The following NUS1 variants were observed in gnomAD, a reference collection of about 807,000 sequenced individuals.
NUS1 encodes dehydrodolichyl diphosphate synthase complex subunit NUS1.
For missense variants in NUS1, 292 were observed against 382.9 expected (o/e 0.76, Z 1.98); for synonymous variants, 135 against 155.2 (o/e 0.87, Z 0.97).
intron 1 of NUS1, among the ~76,000 whole-genome samples, chr6:117,676,694 T>C (rs1172456994): frequency 6.6e-6 from 1 of 152,272 alleles, no homozygotes; most frequent in Non-Finnish European, 1.5e-5. Flanking sequence ...TTAACTGATT[T>C]GCCCAAGGCC....
At position 117,694,127 on chromosome 6, in the gene NUS1, A is replaced by G. The variant is rs771454891; in HGVS notation, c.638A>G (p.Gln213Arg). 42 of 1,611,780 alleles carry G rather than the reference A, an allele frequency of 2.6e-5. No individual in the cohort carries two copies. Among genetic ancestry groups the G allele is most frequent in the Non-Finnish European group, 3.5e-5 (41 of 1,178,744 alleles). The change falls in exon 3 of 5, where the codon CAG becomes CGG. Residue 213 changes from glutamine to arginine, a missense_variant. Transcript: ENST00000368494. ...CAGGACTTTTGCCAGTTAGTAGCCCAGAAGCAAAAGAGACCCACAGATTTG... is the reference window on the plus strand; with the variant it reads ...CAGGACTTTTGCCAGTTAGTAGCCCGGAAGCAAAAGAGACCCACAGATTTG... ...AAQDFCQLVA[Q>R]KQKRPTDLDV...
At chr6:117,677,367 G>C (rs775076553) in intron 1 of NUS1, among the ~76,000 whole-genome samples, 1 of 152,188 alleles carries the variant, frequency 6.6e-6, no homozygotes, top group Non-Finnish European at 1.5e-5. Flanking sequence ...TTGAAGAATA[G>C]GTAGGAGATA....
In NUS1 at chr6:117,708,890, TTAAAG is replaced by T. The variant is rs1160046921; in HGVS notation, c.*1877_*1881del. 2 of 152,084 alleles carry T rather than the reference TTAAAG, an allele frequency of 1.3e-5. No homozygotes were observed. Among genetic ancestry groups the T allele is most frequent in the Admixed American group, 6.6e-5 (1 of 15,260 alleles). The allele number at this position is 152,084 out of a possible 1,614,324, so 9.4% of individuals were successfully genotyped here. On this transcript the variant is annotated 3_prime_UTR_variant, in exon 5 of 5. Transcript: ENST00000368494. The stretch of plus-strand genomic sequence containing the variant: ...TTAAAATGAAGGGATTTAATCGTTG[TTAAAG>T]TTAAGTTAGTCAAATAAATTACCTA...
At chr6:117,702,067 C>T (rs1773419312) in intron 3 of NUS1, among the ~76,000 whole-genome samples, 1 of 152,174 alleles carries the variant, frequency 6.6e-6, no homozygotes. Context: ...CCTGCTTCCC[C>T]TCCTAGTATG....
At chr6:117,691,558 G>GATATATATATAGATAT (rs1554201817) in intron 1 of NUS1, among the ~76,000 whole-genome samples, 3 of 136,980 alleles carry the variant, frequency 2.2e-5, no homozygotes, top group Non-Finnish European at 4.7e-5. Flanking sequence ...CATAGATATA[G>GATATATATATAGATAT]ATATATATAT....
chr6:117,688,228 A>ATG (rs1773167183), intron 1 of NUS1, among the ~76,000 whole-genome samples: 1 of 152,170 alleles, frequency 6.6e-6, no homozygotes, highest in Admixed American at 6.5e-5. Context: ...TCTTAAAAAT[A>ATG]TGTGTGTGTA....
At position 117,697,159 on chromosome 6, in the gene NUS1, G is replaced by C. The variant is rs9374676; in HGVS notation, c.691+2979G>C. On this transcript the variant is annotated intron_variant, in intron 3 of 4. Coordinates refer to ENST00000368494, the MANE Select transcript of NUS1 (RefSeq NM_138459.5). ...TAACCTCCAATCAAAAAACATACAA[G>C]AGATACACAAAAAAATAAAAAGCAA... Among the ~76,000 whole-genome samples the C allele has an allele frequency of 1.1e-4, 17 of 151,850 alleles. No individual in the cohort carries two copies. The East Asian group carries it at 3.3e-3, about 29-fold the overall frequency.
intron 1 of NUS1, among the ~76,000 whole-genome samples, chr6:117,681,281 C>A (rs1274645370): frequency 6.6e-6 from 1 of 152,162 alleles, no homozygotes. Context: ...TGTGCATAAA[C>A]TTTCTTACTA....
chr6:117,682,479 T>C (rs1391006815), intron 1 of NUS1, among the ~76,000 whole-genome samples: 1 of 152,152 alleles, frequency 6.6e-6, no homozygotes, highest in Non-Finnish European at 1.5e-5. Context: ...TGTGTGCCTG[T>C]AGTCCCAACT....
At chr6:117,687,304 T>C (rs1040557687) in intron 1 of NUS1, among the ~76,000 whole-genome samples, 2 of 152,212 alleles carry the variant, frequency 1.3e-5, no homozygotes, top group African/African-American at 4.8e-5. Context: ...CTTTGTACAT[T>C]GGTAATTCAG....
chr6:117,690,979 C>CAAAA (rs71736900), intron 1 of NUS1, among the ~76,000 whole-genome samples: 99 of 72,870 alleles, frequency 1.4e-3, no homozygotes, highest in South Asian at 3.1e-3. Flanking sequence ...GAGTCTGTCT[C>CAAAA]AAAAAAAAAA....
In NUS1 at chr6:117,707,021, A is replaced by G. The variant is rs755326088; in HGVS notation, c.*6A>G. On this transcript the variant is annotated 3_prime_UTR_variant, in exon 5 of 5. Coordinates refer to ENST00000368494, the MANE Select transcript of NUS1 (RefSeq NM_138459.5). ...AACAGCGTCTGGGAAAGTAGTGGTCATTGGTTGCATAATTTGATTTGAGGC... is the reference window on the plus strand; with the variant it reads ...AACAGCGTCTGGGAAAGTAGTGGTCGTTGGTTGCATAATTTGATTTGAGGC... 6 of 1,611,182 alleles carry G rather than the reference A, an allele frequency of 3.7e-6. No individual in the cohort carries two copies. In the South Asian group the frequency reaches 4.4e-5, roughly 12 times the overall value.
intron 1 of NUS1, among the ~76,000 whole-genome samples, chr6:117,682,496 G>A (rs970825888): frequency 6.6e-6 from 1 of 152,160 alleles, no homozygotes; most frequent in African/African-American, 2.4e-5. Context: ...AACTACTCAG[G>A]AGGCTGAGGT....
chr6:117,695,290 A>T (rs938946703), intron 3 of NUS1, among the ~76,000 whole-genome samples: 1 of 151,394 alleles, frequency 6.6e-6, no homozygotes, highest in Admixed American at 6.6e-5. Context: ...TTCCACTTTG[A>T]CATGTGTCCG....
chr6:117,693,931 G>C (rs1773279167), intron 2 of NUS1, 100 bp from the exon 3 acceptor site: 1 of 1,297,348 alleles, frequency 7.7e-7, no homozygotes, highest in Admixed American at 2.6e-5. Context: ...TGTAAGAACT[G>C]TATGTTTATT....
rs1772970025 is a variant in NUS1, at chr6:117,675,902, C to G, written c.232C>G (p.Leu78Val). Residue 78 changes from leucine (L) to valine (V), a missense_variant, in exon 1 of 5, where the codon CTG (leucine) becomes GTG (valine). Leu to Val is a conservative substitution (Grantham distance 32, BLOSUM62 1). Transcript: ENST00000368494. ...CCGGCACCCGCGCGGGGGGTCGTGCCTGGCAGCCGCACACCACCGGATGCG... is the reference window on the plus strand; with the variant it reads ...CCGGCACCCGCGCGGGGGGTCGTGCGTGGCAGCCGCACACCACCGGATGCG... ...HHRHPRGGSC[L>V]AAAHHRMRWR... The G allele has an allele frequency of 6.5e-7, 1 of 1,539,770 alleles. No individual in the cohort carries two copies. Among genetic ancestry groups the G allele is most frequent in the South Asian group, 1.2e-5 (1 of 83,158 alleles).
At chr6:117,699,078 C>A (rs1340483683) in intron 3 of NUS1, among the ~76,000 whole-genome samples, 2 of 152,152 alleles carry the variant, frequency 1.3e-5, no homozygotes, top group Non-Finnish European at 2.9e-5. Context: ...GAAAGCCTTT[C>A]CTCCAATAAC....
At chr6:117,686,846 GTGTGTA>G (rs1168192037) in intron 1 of NUS1, among the ~76,000 whole-genome samples, 1,032 of 92,762 alleles carry the variant, frequency 0.011, 11 homozygotes, top group African/African-American at 0.042. Flanking sequence ...ATCATGTGAA[GTGTGTA>G]TGTGTGTGTG....
rs748331233 is a variant in NUS1, at chr6:117,694,108, T to C, written c.619T>C (p.Phe207Leu). The C allele has an allele frequency of 6.2e-7, 1 of 1,612,712 alleles. No homozygotes were observed. Among genetic ancestry groups the C allele is most frequent in the Non-Finnish European group, 8.5e-7 (1 of 1,179,210 alleles). The change falls in exon 3 of 5, where the codon TTT becomes CTT. Residue 207 changes from phenylalanine (F) to leucine (L), a missense_variant. Transcript: ENST00000368494. ...KADIVRAAQDFCQLVAQKQKR... is the reference protein window; with the variant it reads ...KADIVRAAQDLCQLVAQKQKR... ...AGATATTGTAAGAGCTGCTCAGGAC[T>C]TTTGCCAGTTAGTAGCCCAGAAGCA...
Sources: allele counts gnomAD v4.1 joint callset (sites outside exome capture counted in the v4.1 genomes callset), GRCh38; gene constraint gnomAD v4.1.1; transcripts MANE v1.5; gene names NCBI Gene and HGNC (gene_info 2026-07-23, HGNC 2026-07-21).